ADGRL3: variants seen among roughly 807,000 people sequenced by gnomAD.
ADGRL3 encodes adhesion G protein-coupled receptor L3.
In ADGRL3, 62 loss-of-function variants were observed where a neutral mutation model predicts 153.5. The ratio of observed to expected loss-of-function variants is 0.40; its 90% CI spans 0.33 to 0.50. The LOEUF is 0.50. Among genes scored for constraint, ADGRL3 ranks in the 20% least tolerant of loss-of-function variants. The pLI is 0.47. For synonymous variants in ADGRL3, 710 were observed against 672.5 expected (o/e 1.06, Z -0.86); for missense variants, 1,641 against 1,859.4 (o/e 0.88, Z 2.16).
chr4:61,606,406 T>C (rs149119920), intron 5 of ADGRL3, among the ~76,000 whole-genome samples: 2 of 152,332 alleles, frequency 1.3e-5, no homozygotes, highest in African/African-American at 4.8e-5. Flanking sequence ...ATCAGAAATG[T>C]ATTTTCTCAC....
chr4:61,687,474 T>A (rs1038110754), intron 6 of ADGRL3, among the ~76,000 whole-genome samples: 1 of 152,038 alleles, frequency 6.6e-6, no homozygotes, highest in Non-Finnish European at 1.5e-5. Flanking sequence ...AGTTTTGCTT[T>A]CTAAATAAAG....
chr4:62,034,905 G>A (rs551836183), intron 23 of ADGRL3, among the ~76,000 whole-genome samples: 60 of 151,814 alleles, frequency 4.0e-4, no homozygotes, highest in Middle Eastern at 3.4e-3. Context: ...AGAAATATCA[G>A]AAATATTTTA....
chr4:61,520,682 G>GTGTGTGTGTGTGTGTGTGTGTCTGTC (rs763505931), intron 4 of ADGRL3, among the ~76,000 whole-genome samples: 24 of 123,580 alleles, frequency 1.9e-4, no homozygotes, highest in East Asian at 5.3e-4. Flanking sequence ...GTGTGTGTGT[G>GTGTGTGTGTGTGTGTGTGTGTCTGTC]TGTCTGTCTG....
intron 8 of ADGRL3, among the ~76,000 whole-genome samples, chr4:61,803,193 T>G (rs2097520318): frequency 6.6e-6 from 1 of 152,160 alleles, no homozygotes; most frequent in Non-Finnish European, 1.5e-5. Flanking sequence ...TGATTGAGCT[T>G]GATTTTTCAT....
chr4:61,662,169 C>T (rs970338180), intron 5 of ADGRL3, among the ~76,000 whole-genome samples: 4 of 152,182 alleles, frequency 2.6e-5, no homozygotes, highest in African/African-American at 9.7e-5. Context: ...GCCTCGTGCT[C>T]CCTGTGTGAA....
intron 1 of ADGRL3, among the ~76,000 whole-genome samples, chr4:61,324,726 C>G (rs1462265914): frequency 6.6e-6 from 1 of 152,114 alleles, no homozygotes; most frequent in Non-Finnish European, 1.5e-5. Context: ...AAAATTTTTA[C>G]TGAACACTTT....
intron 11 of ADGRL3, among the ~76,000 whole-genome samples, chr4:61,907,650 T>C (rs1319577126): frequency 6.6e-6 from 1 of 151,258 alleles, no homozygotes; most frequent in African/African-American, 2.4e-5. Flanking sequence ...GATATATATA[T>C]ATATGATATA....
At chr4:61,671,386 T>G (rs1316713037) in intron 5 of ADGRL3, among the ~76,000 whole-genome samples, 2 of 152,196 alleles carry the variant, frequency 1.3e-5, no homozygotes, top group Non-Finnish European at 2.9e-5. Flanking sequence ...GGTCATCATA[T>G]GACATTCTTG....
chr4:61,292,510 A>T (rs918001724), intron 1 of ADGRL3, among the ~76,000 whole-genome samples: 3 of 152,180 alleles, frequency 2.0e-5, no homozygotes, highest in Admixed American at 2.0e-4. Flanking sequence ...ATATAGAAAC[A>T]TGCCACGTGT....
At chr4:61,827,327 C>T (rs1206481560) in intron 9 of ADGRL3, among the ~76,000 whole-genome samples, 1 of 152,084 alleles carries the variant, frequency 6.6e-6, no homozygotes, top group Non-Finnish European at 1.5e-5. Context: ...TAATCTATTG[C>T]CAAGGTTAGT....
At chr4:62,041,424 G>T (rs1249782072) in intron 24 of ADGRL3, among the ~76,000 whole-genome samples, 1 of 151,562 alleles carries the variant, frequency 6.6e-6, no homozygotes, top group African/African-American at 2.4e-5. Flanking sequence ...AGATATATTT[G>T]CTTTTTATTA....
At position 62,070,707 on chromosome 4, in the gene ADGRL3, A is replaced by G; in HGVS notation, c.4431A>G (p.Pro1477=). The stretch of plus-strand genomic sequence containing the variant: ...CCACCAGCACCCAGACCGAACCCCC[A>G]CCGGCCAAATGTGGTGATGCCGAAG... ...SVTTSTQTEP[P]PAKCGDAEDV... Residue 1477 remains proline (P), a synonymous_variant, in exon 27 of 27, where the codon CCA becomes CCG. Coordinates refer to ENST00000683033, the MANE Select transcript of ADGRL3 (RefSeq NM_001387552.1). 6.4e-7 allele frequency: 1 copy of G among 1,551,428 alleles called. No individual in the cohort carries two copies. Among genetic ancestry groups the G allele is most frequent in the South Asian group, 1.2e-5 (1 of 84,038 alleles).
At chr4:61,274,328 A>C (rs902215134) in intron 1 of ADGRL3, among the ~76,000 whole-genome samples, 1 of 152,198 alleles carries the variant, frequency 6.6e-6, no homozygotes, top group African/African-American at 2.4e-5. Flanking sequence ...TCCAGTATGA[A>C]ATTAAGGAGT....
intron 1 of ADGRL3, among the ~76,000 whole-genome samples, chr4:61,214,421 T>G (rs1741655040): frequency 6.6e-6 from 1 of 152,340 alleles, no homozygotes; most frequent in Non-Finnish European, 1.5e-5. Context: ...GTACTTCTTA[T>G]GGAACAAAAA....
chr4:61,258,432 T>C (rs1355624106), intron 1 of ADGRL3, among the ~76,000 whole-genome samples: 1 of 152,154 alleles, frequency 6.6e-6, no homozygotes, highest in East Asian at 1.9e-4. Flanking sequence ...GGATTCTGGT[T>C]TTTGTTCTGC....
intron 21 of ADGRL3, among the ~76,000 whole-genome samples, chr4:62,012,680 G>A (rs1012055911): frequency 1.3e-5 from 2 of 151,978 alleles, no homozygotes; most frequent in African/African-American, 4.8e-5. Flanking sequence ...AATTTTCTAG[G>A]CCATGCTCAA....
intron 5 of ADGRL3, among the ~76,000 whole-genome samples, chr4:61,588,072 G>GA (rs1353177770): frequency 6.6e-6 from 1 of 151,638 alleles, no homozygotes; most frequent in Non-Finnish European, 1.5e-5. Context: ...TGGTCAGTAG[G>GA]AATGCATATT....
intron 1 of ADGRL3, among the ~76,000 whole-genome samples, chr4:61,343,812 C>A (rs1398359477): frequency 2.0e-5 from 3 of 152,186 alleles, no homozygotes; most frequent in African/African-American, 7.2e-5. Flanking sequence ...GCCTACTGAG[C>A]TTTTCACCCT....
chr4:61,338,429 G>A (rs1044118623), intron 1 of ADGRL3, among the ~76,000 whole-genome samples: 1 of 151,966 alleles, frequency 6.6e-6, no homozygotes, highest in Non-Finnish European at 1.5e-5. Context: ...AAGAGAGAGA[G>A]AGAAGAGATT....
Sources: allele counts gnomAD v4.1 joint callset (sites outside exome capture counted in the v4.1 genomes callset), GRCh38; gene constraint gnomAD v4.1.1; transcripts MANE v1.5; gene names NCBI Gene and HGNC (gene_info 2026-07-23, HGNC 2026-07-21).